Variants in APTX observed in about 807,000 individuals in gnomAD.
APTX encodes forkhead-associated domain histidine triad-like protein.
APTX carries 33 observed loss-of-function variants against 42.3 expected under a neutral mutation model. That is an observed-to-expected ratio of 0.78 (90% CI 0.59 to 1.04). APTX has a LOEUF of 1.04. Ranked by LOEUF, APTX falls within the 50% of genes least tolerant of loss-of-function variation. The pLI is 0.00. For missense variants in APTX, 421 were observed against 415.1 expected (o/e 1.01, Z -0.12); for synonymous variants, 130 against 146.7 (o/e 0.89, Z 0.82).
intron 1 of APTX, chr9:33,024,934 T>C (rs79514313): frequency 0.075 from 10,718 of 142,826 alleles, 522 homozygotes; most frequent in Non-Finnish European, 0.11. Flanking sequence ...GTCACTGTAC[T>C]CGAGCCCTTC....
At chr9:32,975,776 T>C (rs559605636) in intron 6 of APTX, among the ~76,000 whole-genome samples, 2 of 152,338 alleles carry the variant, frequency 1.3e-5, no homozygotes, top group African/African-American at 2.4e-5. Context: ...GCTGACAAAG[T>C]AGAGGTCGGC....
rs1478724775 is a variant in APTX, at chr9:32,988,125, C to T, written c.138G>A (p.Gln46=). The T allele has an allele frequency of 6.2e-7, 1 of 1,614,038 alleles. No individual in the cohort carries two copies. Among genetic ancestry groups the T allele is most frequent in the South Asian group, 1.1e-5 (1 of 91,080 alleles). The part of the protein sequence containing the change: ...TDKKCSRQQV[Q]LKAECNKGYV... ...ATCCCTTGTTACACTCTGCTTTCAACTGTACTGAAAGAGATTGGAAAAAGT... is the reference window on the plus strand; with the variant it reads ...ATCCCTTGTTACACTCTGCTTTCAATTGTACTGAAAGAGATTGGAAAAAGT... Residue 46 remains glutamine, a synonymous_variant, in exon 3 of 8, where the codon CAG becomes CAA. Coordinates refer to ENST00000379817, the MANE Select transcript of APTX (RefSeq NM_001195248.2).
rs1048136458 is a variant in APTX at position 33,017,937 on chromosome 9, C to T, written c.-5+7086G>A. Among the ~76,000 whole-genome samples the T allele has an allele frequency of 8.5e-5, 4 of 47,032 alleles. No individual in the cohort carries two copies. In the South Asian group the frequency reaches 1.5e-3, roughly 18 times the overall value. The allele number at this position is 47,032 out of a possible 152,430, so 30.9% of individuals were successfully genotyped here. ...TGCCCTAGCAACCAGCGCCCCCCCC[C>T]CCCTCCCATTTTCGGGCTCTCCAAA... On this transcript the variant is annotated intron_variant, in intron 1 of 6. Transcript: ENST00000436040.
intron 1 of APTX, among the ~76,000 whole-genome samples, chr9:33,011,433 G>A (rs149546492): frequency 0.071 from 10,762 of 151,366 alleles, 503 homozygotes; most frequent in Non-Finnish European, 0.11. Context: ...GATTACAGGC[G>A]CCTGCCACCA....
At chr9:32,995,623 C>T (rs763381143) in intron 1 of APTX, among the ~76,000 whole-genome samples, 3 of 152,278 alleles carry the variant, frequency 2.0e-5, no homozygotes, top group African/African-American at 7.2e-5. Flanking sequence ...TGTTATGGCT[C>T]ACACCTGTAA....
intron 6 of APTX, among the ~76,000 whole-genome samples, chr9:32,977,808 G>C (rs1326766534): frequency 6.6e-6 from 1 of 151,806 alleles, no homozygotes; most frequent in Non-Finnish European, 1.5e-5. Context: ...TCCAGCCTGG[G>C]CAACAGAGTG....
chr9:33,021,472 AAAGC>A (rs1234780059), intron 1 of APTX, among the ~76,000 whole-genome samples: 3 of 152,208 alleles, frequency 2.0e-5, no homozygotes, highest in Non-Finnish European at 4.4e-5. Context: ...AATATTCTAA[AAAGC>A]AAGAACAATG....
intron 1 of APTX, among the ~76,000 whole-genome samples, chr9:33,001,112 G>A (rs1399765511): frequency 6.6e-6 from 1 of 152,146 alleles, no homozygotes; most frequent in East Asian, 1.9e-4. Context: ...CTCCCAAAGT[G>A]CTGGGATTAC....
At chr9:33,001,690 G>T (rs1275131692), upstream of APTX, 5 of 1,550,796 alleles carry the variant, frequency 3.2e-6, no homozygotes, top group Admixed American at 1.8e-5. Flanking sequence ...CCTCTCTAAC[G>T]GATTGGCTGA....
At chr9:33,013,863 A>G (rs938677706) in intron 1 of APTX, among the ~76,000 whole-genome samples, 1 of 152,226 alleles carries the variant, frequency 6.6e-6, no homozygotes, top group African/African-American at 2.4e-5. Context: ...AATGTCAATG[A>G]TAACAGGGAG....
Position 32,972,930 on chromosome 9 carries a change from G to C in APTX, c.*568C>G, listed in dbSNP as rs931949925. 8.8e-6 allele frequency: 4 copies of C among 454,004 alleles called. No individual in the cohort carries two copies. The highest frequency in any genetic ancestry group is 1.8e-5 in the Non-Finnish European group (4 of 226,808). The allele number at this position is 454,004 out of a possible 1,614,324, so 28.1% of individuals were successfully genotyped here. On this transcript the variant is annotated 3_prime_UTR_variant, in exon 8 of 8. Coordinates refer to ENST00000379817, the MANE Select transcript of APTX (RefSeq NM_001195248.2). Reference sequence around the variant, plus strand: ...TCTTTTCTCACTGTGAAGAACTGATGAGACAGAATTCCTGAGAAGGGAACA... The same window carrying C: ...TCTTTTCTCACTGTGAAGAACTGATCAGACAGAATTCCTGAGAAGGGAACA...
intron 1 of APTX, among the ~76,000 whole-genome samples, chr9:33,020,538 A>G (rs1838290163): frequency 6.6e-6 from 1 of 152,242 alleles, no homozygotes; most frequent in African/African-American, 2.4e-5. Context: ...ATGTAATCAA[A>G]TCAGCTCTAA....
chr9:33,010,400 T>TG (rs780246748), intron 1 of APTX, among the ~76,000 whole-genome samples: 11 of 152,274 alleles, frequency 7.2e-5, no homozygotes, highest in Middle Eastern at 6.8e-3. Flanking sequence ...CTCTAGGAGC[T>TG]GGGGCTACCA....
intron 5 of APTX, among the ~76,000 whole-genome samples, chr9:32,985,764 A>G (rs1478506286): frequency 1.3e-5 from 2 of 152,200 alleles, no homozygotes; most frequent in East Asian, 3.8e-4. Flanking sequence ...GGGGATATTC[A>G]TTTGAAGAAC....
At chr9:33,000,659 A>G (rs1180852664) in intron 1 of APTX, among the ~76,000 whole-genome samples, 1 of 149,996 alleles carries the variant, frequency 6.7e-6, no homozygotes, top group Non-Finnish European at 1.5e-5. Context: ...AAAAGAAAAG[A>G]AAAAGAAAAA....
intron 1 of APTX, among the ~76,000 whole-genome samples, chr9:33,024,074 C>T (rs969821128): frequency 6.6e-6 from 1 of 152,240 alleles, no homozygotes; most frequent in African/African-American, 2.4e-5. Context: ...ATATAGGAGG[C>T]TCTCCCCTAC....
At chr9:33,007,653 C>T (rs1286842824) in intron 1 of APTX, among the ~76,000 whole-genome samples, 1 of 152,094 alleles carries the variant, frequency 6.6e-6, no homozygotes, top group African/African-American at 2.4e-5. Flanking sequence ...AATTTAGCTG[C>T]ATGTTTCATA....
intron 1 of APTX, among the ~76,000 whole-genome samples, chr9:32,990,722 G>C (rs1159580965): frequency 6.6e-6 from 1 of 152,206 alleles, no homozygotes; most frequent in Non-Finnish European, 1.5e-5. Context: ...ACGAGGAAGG[G>C]ATATTAATGT....
chr9:33,018,028 C>G (rs1219071315), intron 1 of APTX, among the ~76,000 whole-genome samples: 1 of 146,270 alleles, frequency 6.8e-6, no homozygotes, highest in Non-Finnish European at 1.5e-5. Context: ...CAAGATACCA[C>G]TTTCACTCTT....
Sources: allele counts gnomAD v4.1 joint callset (sites outside exome capture counted in the v4.1 genomes callset), GRCh38; gene constraint gnomAD v4.1.1; transcripts MANE v1.5; gene names NCBI Gene and HGNC (gene_info 2026-07-23, HGNC 2026-07-21).